FAM117A: variants seen among roughly 807,000 people sequenced by gnomAD.
FAM117A encodes family with sequence similarity 117 member A, also known as protein FAM117A.
A neutral mutation model predicts 44.1 loss-of-function variants in FAM117A; 21 were observed. That is an observed-to-expected ratio of 0.48 (90% confidence interval 0.34 to 0.69). The LOEUF (loss-of-function observed/expected upper bound fraction) is 0.69. Among genes scored for constraint, FAM117A ranks in the 30% least tolerant of loss-of-function variants. The pLI is 0.01. For synonymous variants in FAM117A, 220 were observed against 238.3 expected (o/e 0.92, Z 0.71); for missense variants, 498 against 589.9 (o/e 0.84, Z 1.61).
intron 7 of FAM117A, 100 bp from the exon 8 acceptor site, chr17:49,711,655 G>T: frequency 8.7e-7 from 1 of 1,155,988 alleles, no homozygotes; most frequent in Non-Finnish European, 1.3e-6. Context: ...CAGCAGGAGA[G>T]CTGGGTCTCT....
At chr17:49,717,939 C>T (rs1598019024) in intron 5 of FAM117A, 4 of 443,070 alleles carry the variant, frequency 9.0e-6, no homozygotes, top group African/African-American at 4.0e-5. Flanking sequence ...TAATAGCACT[C>T]ACAGTCCAAT....
rs187145634 is a variant in FAM117A at position 49,785,762 on chromosome 17, C to T, written c.-621+2735G>A. Among the ~76,000 whole-genome samples, 28 of 152,266 alleles carry T rather than the reference C, an allele frequency of 1.8e-4. No individual in the cohort carries two copies. In the East Asian group the frequency reaches 4.6e-3, roughly 25 times the overall value. ...TTAAGTGCAAAATAACATATCATTA[C>T]GCCCTACTACCTTACAAAGAATGAA... On this transcript the variant is annotated intron_variant, in intron 1 of 7. Transcript: ENST00000513602.
At chr17:49,788,613 C>A, upstream of FAM117A, 2 of 489,840 alleles carry the variant, frequency 4.1e-6, no homozygotes, top group Non-Finnish European at 7.3e-6. Flanking sequence ...CTCTCTGGCC[C>A]GTAACGTCAG....
chr17:49,744,106 A>G (rs1027634486), intron 1 of FAM117A, among the ~76,000 whole-genome samples: 3 of 152,164 alleles, frequency 2.0e-5, no homozygotes, highest in African/African-American at 7.2e-5. Context: ...CCTTCTCCCT[A>G]ACTTAAAACA....
At chr17:49,736,936 C>G (rs1421777819) in intron 1 of FAM117A, among the ~76,000 whole-genome samples, 1 of 152,242 alleles carries the variant, frequency 6.6e-6, no homozygotes, top group Non-Finnish European at 1.5e-5. Context: ...GTGTATCCCC[C>G]ACAATGTCTA....
intron 1 of FAM117A, among the ~76,000 whole-genome samples, chr17:49,786,640 G>C (rs1168819623): frequency 2.6e-5 from 4 of 152,170 alleles, no homozygotes; most frequent in African/African-American, 9.7e-5. Flanking sequence ...AGCCACATGT[G>C]GTGGCGGGCG....
rs1036599391 is a variant in FAM117A at position 49,711,076 on chromosome 17, C to T, written c.*179G>A. On this transcript the variant is annotated 3_prime_UTR_variant, in exon 8 of 8. Coordinates refer to ENST00000240364, the MANE Select transcript of FAM117A (RefSeq NM_030802.4). ...CTAGTGGAGAAGGCAGGTCCCATCA[C>T]GTTCAGAGGGGCCGGTGCCCATCAA... 4.1e-5 allele frequency: 24 copies of T among 589,214 alleles called. No homozygotes were observed. Among genetic ancestry groups the T allele is most frequent in the African/African-American group, 4.0e-4 (21 of 52,944 alleles). The allele number at this position is 589,214 out of a possible 1,614,324, so 36.5% of individuals were successfully genotyped here.
At chr17:49,716,122 G>GCCCACCCAA in intron 7 of FAM117A, 43 bp downstream of exon 7, 1 of 1,580,846 alleles carries the variant, frequency 6.3e-7, no homozygotes, top group Non-Finnish European at 8.7e-7. Flanking sequence ...GAGAATGTAG[G>GCCCACCCAA]CCCACCCTCC....
chr17:49,740,443 G>A (rs1313348662), intron 1 of FAM117A, among the ~76,000 whole-genome samples: 3 of 152,138 alleles, frequency 2.0e-5, no homozygotes, highest in Non-Finnish European at 4.4e-5. Context: ...TAGAGACGGG[G>A]TTTCACCGTG....
At chr17:49,724,825 A>C (rs2073552308) in intron 2 of FAM117A, among the ~76,000 whole-genome samples, 1 of 150,722 alleles carries the variant, frequency 6.6e-6, no homozygotes, top group Admixed American at 6.6e-5. Flanking sequence ...GTCTCAAGAA[A>C]AAAAAAAAAA....
At chr17:49,730,346 A>G (rs2073579481) in intron 2 of FAM117A, among the ~76,000 whole-genome samples, 1 of 152,240 alleles carries the variant, frequency 6.6e-6, no homozygotes. Context: ...GACTTGTTAT[A>G]TAAAAGATCT....
intron 1 of FAM117A, among the ~76,000 whole-genome samples, chr17:49,756,500 C>T (rs893680600): frequency 2.6e-5 from 4 of 151,492 alleles, no homozygotes; most frequent in Admixed American, 2.6e-4. Flanking sequence ...ATAGAGAGTT[C>T]AGAGTCAGAA....
intron 1 of FAM117A, among the ~76,000 whole-genome samples, chr17:49,759,288 C>G (rs2073712611): frequency 6.6e-6 from 1 of 152,158 alleles, no homozygotes; most frequent in African/African-American, 2.4e-5. Context: ...AGAGATAAAG[C>G]AGTTAAGCAG....
intron 1 of FAM117A, among the ~76,000 whole-genome samples, chr17:49,740,965 AG>A (rs963185775): frequency 4.6e-5 from 7 of 152,152 alleles, no homozygotes; most frequent in African/African-American, 1.7e-4. Context: ...GCACTTTACA[AG>A]GGGAAACAAG....
intron 1 of FAM117A, among the ~76,000 whole-genome samples, chr17:49,743,072 A>G (rs1485019384): frequency 1.3e-5 from 2 of 152,178 alleles, no homozygotes; most frequent in Admixed American, 1.3e-4. Context: ...GAGACCTTTT[A>G]TTACCCAAAC....
intron 1 of FAM117A, among the ~76,000 whole-genome samples, chr17:49,763,568 C>T (rs765189035): frequency 5.0e-4 from 76 of 151,046 alleles, no homozygotes; most frequent in Non-Finnish European, 1.0e-3. Flanking sequence ...ACGCCTCGCT[C>T]CCACCCCCTG....
chr17:49,777,343 G>A (rs756973338), intron 1 of FAM117A, among the ~76,000 whole-genome samples: 6 of 152,188 alleles, frequency 3.9e-5, no homozygotes, highest in Non-Finnish European at 8.8e-5. Flanking sequence ...ACTGACAAGA[G>A]TCAAGGTATC....
intron 1 of FAM117A, among the ~76,000 whole-genome samples, chr17:49,785,452 A>C (rs947383948): frequency 6.6e-6 from 1 of 152,232 alleles, no homozygotes; most frequent in Non-Finnish European, 1.5e-5. Context: ...TCAAGGTTGC[A>C]GTGAGCTATG....
At chr17:49,787,038 C>T (rs1219960438) in intron 1 of FAM117A, among the ~76,000 whole-genome samples, 1 of 151,904 alleles carries the variant, frequency 6.6e-6, no homozygotes, top group Non-Finnish European at 1.5e-5. Flanking sequence ...GAACTGACAT[C>T]CAGCCATTGC....
Sources: allele counts gnomAD v4.1 joint callset (sites outside exome capture counted in the v4.1 genomes callset), GRCh38; gene constraint gnomAD v4.1.1; transcripts MANE v1.5; gene names NCBI Gene and HGNC (gene_info 2026-07-23, HGNC 2026-07-21).